Variants in HNRNPUL1 observed in about 807,000 individuals in gnomAD.
The protein encoded by HNRNPUL1 is heterogeneous nuclear ribonucleoprotein U-like protein 1.
A neutral mutation model predicts 108.5 loss-of-function variants in HNRNPUL1; 14 were observed. The ratio of observed to expected loss-of-function variants is 0.13; its 90% CI spans 0.09 to 0.20. HNRNPUL1 has a LOEUF of 0.20. Among genes scored for constraint, HNRNPUL1 ranks in the 10% least tolerant of loss-of-function variants. The pLI is 1.00. For synonymous variants in HNRNPUL1, 422 were observed against 445.2 expected (o/e 0.95, Z 0.66); for missense variants, 804 against 1,168.3 (o/e 0.69, Z 4.55).
chr19:41,302,615 G>C (rs767672830), intron 11 of HNRNPUL1, 50 bp from the exon 12 acceptor site: 2 of 1,611,822 alleles, frequency 1.2e-6, no homozygotes, highest in Non-Finnish European at 1.7e-6. Context: ...GACTTCAGAA[G>C]GTACTGACCT....
chr19:41,282,141 C>G (rs2035931578), intron 7 of HNRNPUL1, among the ~76,000 whole-genome samples: 1 of 152,122 alleles, frequency 6.6e-6, no homozygotes, highest in Non-Finnish European at 1.5e-5. Context: ...TTTTGCCTTC[C>G]TTCATATTTG....
chr19:41,277,109 CAA>C (rs368135195), intron 5 of HNRNPUL1, among the ~76,000 whole-genome samples: 20 of 111,528 alleles, frequency 1.8e-4, no homozygotes, highest in South Asian at 5.1e-4. Flanking sequence ...AAAAAAAAAA[CAA>C]AAAAACAAAA....
intron 10 of HNRNPUL1, among the ~76,000 whole-genome samples, chr19:41,298,276 C>A (rs2037002560): frequency 6.6e-6 from 1 of 152,216 alleles, no homozygotes. Flanking sequence ...GTCCCTTAGT[C>A]CATGTCACAG....
chr19:41,284,220 C>A (rs74360321), intron 7 of HNRNPUL1, among the ~76,000 whole-genome samples: 2 of 152,206 alleles, frequency 1.3e-5, no homozygotes, highest in East Asian at 3.9e-4. Flanking sequence ...GGTTGATATG[C>A]ACTATAGATT....
chr19:41,289,593 G>A (rs149071626), intron 7 of HNRNPUL1, among the ~76,000 whole-genome samples: 55 of 152,220 alleles, frequency 3.6e-4, no homozygotes, highest in African/African-American at 1.3e-3. Flanking sequence ...TGGCTCTGTT[G>A]GTGGTAGATG....
chr19:41,304,075 C>G lies in HNRNPUL1; in HGVS notation c.2076C>G (p.Pro692=). 6.2e-7 allele frequency: 1 copy of G among 1,613,448 alleles called. No individual in the cohort carries two copies. Among genetic ancestry groups the G allele is most frequent in the Non-Finnish European group, 8.5e-7 (1 of 1,179,442 alleles). Residue 692 remains proline, a synonymous_variant, in exon 13 of 15, where the codon CCC becomes CCG. Coordinates refer to ENST00000392006, the MANE Select transcript of HNRNPUL1 (RefSeq NM_007040.6). ...SNNRGSYNRA[P]QQQPPPQQPP... ...ACAGAGGCAGCTACAACCGGGCTCC[C>G]CAGCAACAGCCGCCACCACAGCAGC...
At position 41,264,804 on chromosome 19, in the gene HNRNPUL1, A is replaced by C. The variant is rs546840033; in HGVS notation, c.295+6A>C. 94 of 1,345,910 alleles carry C rather than the reference A, an allele frequency of 7.0e-5. No individual in the cohort carries two copies. In the African/African-American group the frequency reaches 1.3e-3, roughly 19 times the overall value. The allele number at this position is 1,345,910 out of a possible 1,614,324, so 83.4% of individuals were successfully genotyped here. ...CTCGGGGCCGGACGGACATTGTGAG[A>C]GTGCGCGGGGCGGGGGCCGGGGAGC... On this transcript the variant is annotated splice_donor_region_variant and intron_variant, in intron 1 of 14. Coordinates refer to ENST00000392006, the MANE Select transcript of HNRNPUL1 (RefSeq NM_007040.6).
intron 2 of HNRNPUL1, among the ~76,000 whole-genome samples, chr19:41,270,916 T>G (rs1449565270): frequency 6.6e-6 from 1 of 152,090 alleles, no homozygotes; most frequent in Non-Finnish European, 1.5e-5. Flanking sequence ...TTTTATAGAT[T>G]GAGGAGTTGG....
At chr19:41,263,617 C>T (rs1007908635), upstream of HNRNPUL1, among the ~76,000 whole-genome samples, 7 of 152,202 alleles carry the variant, frequency 4.6e-5, no homozygotes, top group African/African-American at 1.7e-4. Flanking sequence ...CAAAATTTTG[C>T]TTTTCCTAAA....
chr19:41,280,471 T>G (rs1057099061), intron 6 of HNRNPUL1, among the ~76,000 whole-genome samples: 5 of 152,186 alleles, frequency 3.3e-5, no homozygotes, highest in African/African-American at 9.7e-5. Flanking sequence ...ATCTTATCTC[T>G]GTCTCCGTTT....
chr19:41,288,640 T>C (rs910107435), intron 7 of HNRNPUL1, among the ~76,000 whole-genome samples: 2 of 152,196 alleles, frequency 1.3e-5, no homozygotes, highest in East Asian at 3.8e-4. Context: ...TGATTTAACC[T>C]AGCGCCTCCC....
At position 41,292,556 on chromosome 19, in the gene HNRNPUL1, C is replaced by G. The variant is rs2036647608; in HGVS notation, c.1266+45C>G. ...ATTGGTGGCCACCTTGCTGCCAAGA[C>G]AGAGGAGACACACACACACACACAC... On this transcript the variant is annotated intron_variant, in intron 8 of 14. Transcript: ENST00000392006. This position sits in a 1 kb window ranked among gnomAD's most constrained non-coding sequence, Gnocchi z 4.1. 1.3e-6 allele frequency: 2 copies of G among 1,581,528 alleles called. No homozygotes were observed. The highest frequency in any genetic ancestry group is 8.6e-7 in the Non-Finnish European group (1 of 1,159,452).
intron 10 of HNRNPUL1, among the ~76,000 whole-genome samples, chr19:41,300,508 T>C (rs1218577297): frequency 6.6e-6 from 1 of 152,140 alleles, no homozygotes; most frequent in Non-Finnish European, 1.5e-5. Flanking sequence ...GCCTGGGTCT[T>C]ACTTCTAGAG....
chr19:41,268,122 C>T, intron 1 of HNRNPUL1, 101 bp from the exon 2 acceptor site: 1 of 1,128,552 alleles, frequency 8.9e-7, no homozygotes, highest in East Asian at 2.4e-5. Flanking sequence ...TCTTACCACT[C>T]TTAGTTGAGC....
At position 41,264,689 on chromosome 19, in the gene HNRNPUL1, G is replaced by A. The variant is rs2034699432; in HGVS notation, c.186G>A (p.Glu62=). ...DEPGRPGHIN[E]EVETEGGSEL... The stretch of plus-strand genomic sequence containing the variant: ...CGGGGCGACCCGGGCACATCAACGA[G>A]GAGGTCGAGACCGAGGGGGGCTCCG... The change falls in exon 1 of 15, where the codon GAG becomes GAA. Residue 62 remains glutamate, a synonymous_variant. Coordinates refer to ENST00000392006, the MANE Select transcript of HNRNPUL1 (RefSeq NM_007040.6). 1.3e-6 allele frequency: 2 copies of A among 1,570,470 alleles called. No individual in the cohort carries two copies. The highest frequency in any genetic ancestry group is 1.7e-6 in the Non-Finnish European group (2 of 1,164,188).
intron 10 of HNRNPUL1, among the ~76,000 whole-genome samples, chr19:41,300,666 G>A (rs1189138316): frequency 6.6e-6 from 1 of 152,212 alleles, no homozygotes; most frequent in Admixed American, 6.5e-5. Context: ...TGAAGGAGGT[G>A]TTCGGTAAAT....
intron 11 of HNRNPUL1, 30 bp from the exon 12 acceptor site, chr19:41,302,629 CTTCTTG>C (rs761508919): frequency 1.2e-6 from 2 of 1,613,920 alleles, no homozygotes; most frequent in Non-Finnish European, 1.7e-6. Context: ...CTGACCTCTT[CTTCTTG>C]TTCTCTTTGG....
At chr19:41,287,613 G>A (rs1220397592) in intron 7 of HNRNPUL1, among the ~76,000 whole-genome samples, 1 of 152,056 alleles carries the variant, frequency 6.6e-6, no homozygotes, top group Non-Finnish European at 1.5e-5. Flanking sequence ...AATCTGGAGT[G>A]CAGTGGCGCA....
intron 7 of HNRNPUL1, among the ~76,000 whole-genome samples, chr19:41,291,071 T>A (rs1462859092): frequency 6.6e-6 from 1 of 152,164 alleles, no homozygotes; most frequent in Non-Finnish European, 1.5e-5. Context: ...GGATCTTAAT[T>A]ACTAACTTTA....
Sources: allele counts gnomAD v4.1 joint callset (sites outside exome capture counted in the v4.1 genomes callset), GRCh38; gene constraint gnomAD v4.1.1; non-coding constraint Gnocchi (gnomAD v3.1); transcripts MANE v1.5; gene names NCBI Gene and HGNC (gene_info 2026-07-23, HGNC 2026-07-21).